Variants in HERC4 observed in about 807,000 individuals in gnomAD.
HERC4 encodes HECT and RLD domain containing E3 ubiquitin protein ligase 4, also known as probable E3 ubiquitin-protein ligase HERC4.
In HERC4, 28 loss-of-function variants were observed where a neutral mutation model predicts 124.3. The observed-to-expected ratio is 0.23, with a 90% CI of 0.17 to 0.31. The LOEUF is 0.31. Among genes scored for constraint, HERC4 ranks in the 10% least tolerant of loss-of-function variants. HERC4 has a pLI of 1.00. For missense variants in HERC4, 713 were observed against 1,229.3 expected, an observed-to-expected ratio of 0.58 and a Z score of 6.28; for synonymous variants, 407 against 421.5, an observed-to-expected ratio of 0.97 and a Z score of 0.42.
At chr10:68,061,035 A>G (rs1029295381) in intron 3 of HERC4, among the ~76,000 whole-genome samples, 19 of 152,034 alleles carry the variant, frequency 1.2e-4, no homozygotes, top group African/African-American at 4.3e-4. Context: ...TTTTAGCCTC[A>G]CCTCTTTCTT....
chr10:68,002,401 A>G (rs1311442329), intron 9 of HERC4, among the ~76,000 whole-genome samples: 2 of 152,102 alleles, frequency 1.3e-5, no homozygotes, highest in Non-Finnish European at 1.5e-5. Flanking sequence ...GAAAAGAAGG[A>G]CATTTTGGTT....
chr10:68,029,034 C>G lies in HERC4; in HGVS notation c.778-3358G>C, dbSNP rs546144729. Among the ~76,000 whole-genome samples, 8 of 152,134 alleles carry G rather than the reference C, an allele frequency of 5.3e-5. No individual in the cohort carries two copies. In the South Asian group the frequency reaches 6.2e-4, roughly 12 times the overall value. On this transcript the variant is annotated intron_variant, in intron 7 of 24. Coordinates refer to ENST00000373700, the MANE Select transcript of HERC4 (RefSeq NM_015601.4). Reference sequence around the variant, plus strand: ...AAAAATAAAAAATAAAAAAATTAGCCAGGCACAGTGGCGCCCGTAGCTCCA... The same window carrying G: ...AAAAATAAAAAATAAAAAAATTAGCGAGGCACAGTGGCGCCCGTAGCTCCA...
At chr10:67,934,863 T>C (rs1283573532) in intron 22 of HERC4, among the ~76,000 whole-genome samples, 1 of 152,024 alleles carries the variant, frequency 6.6e-6, no homozygotes, top group African/African-American at 2.4e-5. Flanking sequence ...TTTCCACTTC[T>C]CGTGCTTTCA....
chr10:68,007,529 T>C (rs575350766), intron 9 of HERC4, among the ~76,000 whole-genome samples: 23 of 152,236 alleles, frequency 1.5e-4, no homozygotes, highest in Admixed American at 1.4e-3. Flanking sequence ...TTTTCAGCAA[T>C]GTCTAAGCGC....
rs545184587 is a variant in HERC4, at chr10:67,925,360, C to T, written c.2839-173G>A. 1.1e-4 allele frequency among the ~76,000 whole-genome samples: 17 copies of T among 152,186 alleles called. No homozygotes were observed. The South Asian group carries it at 1.9e-3, about 17-fold the overall frequency. The stretch of plus-strand genomic sequence containing the variant: ...AGTTCCAGGAGAAAAAGAAGAAATA[C>T]GTAAGAATCACCAGAAATCTTTCCT... On this transcript the variant is annotated intron_variant, in intron 23 of 24. Coordinates refer to ENST00000373700, the MANE Select transcript of HERC4 (RefSeq NM_015601.4).
intron 9 of HERC4, chr10:67,995,186 C>A: frequency 4.5e-6 from 2 of 444,570 alleles, no homozygotes; most frequent in East Asian, 7.1e-5. Flanking sequence ...AGTAAAACTA[C>A]TACATGGAGG....
chr10:67,977,615 A>G (rs1265267657), intron 15 of HERC4, among the ~76,000 whole-genome samples: 1 of 152,076 alleles, frequency 6.6e-6, no homozygotes, highest in African/African-American at 2.4e-5. Flanking sequence ...TGGTTCTTAG[A>G]TGGCATTTCT....
chr10:68,034,126 C>G lies in HERC4; in HGVS notation c.524G>C (p.Cys175Ser). Residue 175 changes from cysteine to serine, a missense_variant, in exon 6 of 25, where the codon TGT becomes TCT. Transcript: ENST00000373700. ...KYGQLGLGTDCKKQTSPQLLK... is the reference protein window; with the variant it reads ...KYGQLGLGTDSKKQTSPQLLK... ...CAGCTGCGGTGAAGTTTGCTTTTTA[C>G]AGTCAGTACCTAAACCCAATTGGCC... 1 of 1,614,146 alleles carries G rather than the reference C, an allele frequency of 6.2e-7. No homozygotes were observed. Among genetic ancestry groups the G allele is most frequent in the Non-Finnish European group, 8.5e-7 (1 of 1,180,024 alleles).
At chr10:67,991,253 A>AC in intron 11 of HERC4, 54 bp from the exon 12 acceptor site, 1 of 1,026,936 alleles carries the variant, frequency 9.7e-7, no homozygotes, top group Non-Finnish European at 1.4e-6. Context: ...TTAATTGTTT[A>AC]CCCTTTCTTA....
chr10:67,936,486 T>C (rs896517867), intron 21 of HERC4, among the ~76,000 whole-genome samples: 1 of 152,194 alleles, frequency 6.6e-6, no homozygotes, highest in Non-Finnish European at 1.5e-5. Context: ...AAACTAAGCA[T>C]TTGTTGTGCA....
At chr10:67,960,016 C>T (rs959632093) in intron 16 of HERC4, among the ~76,000 whole-genome samples, 1 of 152,150 alleles carries the variant, frequency 6.6e-6, no homozygotes, top group Non-Finnish European at 1.5e-5. Flanking sequence ...CAATATCATG[C>T]CTGATAGGAG....
intron 16 of HERC4, among the ~76,000 whole-genome samples, chr10:67,962,864 G>T (rs1188043651): frequency 2.0e-5 from 3 of 152,144 alleles, no homozygotes; most frequent in Non-Finnish European, 4.4e-5. Context: ...CAAATTTGTA[G>T]CCTGTGTCAA....
At chr10:68,056,923 G>A (rs1589438148) in intron 3 of HERC4, among the ~76,000 whole-genome samples, 1 of 152,170 alleles carries the variant, frequency 6.6e-6, no homozygotes, top group African/African-American at 2.4e-5. Context: ...GAAAGGAAAA[G>A]ATCCTAAAGT....
chr10:68,073,179 C>CCA lies in HERC4; in HGVS notation c.-72_-71insTG. 8.5e-7 allele frequency: 1 copy of CCA among 1,176,534 alleles called. No individual in the cohort carries two copies. Among genetic ancestry groups the CCA allele is most frequent in the Non-Finnish European group, 1.2e-6 (1 of 817,042 alleles). The allele number at this position is 1,176,534 out of a possible 1,614,324, so 72.9% of individuals were successfully genotyped here. A position where few individuals can be genotyped will look rare whatever the true frequency, so the allele number is the denominator to read the frequency against. On this transcript the variant is annotated 5_prime_UTR_variant, in exon 3 of 25. The change abolishes the stop of an existing upstream ORF in the 5' untranslated region. Transcript: ENST00000373700. ...CTGAAACCCCGGAAAGTTGGAGGTA[C>CCA]CCTATGTCTGAGGAAATAGAAAGAA...
chr10:67,998,659 T>C (rs2037048746), intron 9 of HERC4, among the ~76,000 whole-genome samples: 1 of 152,128 alleles, frequency 6.6e-6, no homozygotes, highest in Admixed American at 6.6e-5. Context: ...CTTATGCCAG[T>C]GGTTCTCTAA....
intron 9 of HERC4, among the ~76,000 whole-genome samples, chr10:68,000,650 G>A (rs748699656): frequency 7.9e-5 from 12 of 152,010 alleles, no homozygotes; most frequent in Non-Finnish European, 1.8e-4. Context: ...TGGAAATAAG[G>A]TCACTGCAGA....
intron 3 of HERC4, among the ~76,000 whole-genome samples, chr10:68,053,520 T>G (rs2040415625): frequency 6.6e-6 from 1 of 152,076 alleles, no homozygotes; most frequent in Admixed American, 6.6e-5. Flanking sequence ...CCCAGGCTAG[T>G]CTTGAACTCC....
chr10:68,059,451 T>TATATAATAATA (rs2040719862), intron 3 of HERC4, among the ~76,000 whole-genome samples: 2 of 128,328 alleles, frequency 1.6e-5, no homozygotes, highest in Non-Finnish European at 1.6e-5. Flanking sequence ...AATAATATTA[T>TATATAATAATA]ATATTATAAT....
chr10:67,932,678 T>C lies in HERC4; in HGVS notation c.2757A>G (p.Lys919=). ...HAGFHKVCGG[K]VLLLFQPNEL... ...CATTAGGCTGAAAGAGCAGAAGGAC[T>C]TTTCCTCCACAGACCTTATGAAAGC... is the stretch of plus-strand genomic sequence containing the variant. Residue 919 remains lysine (K), a synonymous_variant, in exon 23 of 25, where the codon AAA becomes AAG. Transcript: ENST00000373700. 1 of 1,607,656 alleles carries C rather than the reference T, an allele frequency of 6.2e-7. No homozygotes were observed. The highest frequency in any genetic ancestry group is 8.5e-7 in the Non-Finnish European group (1 of 1,178,530).
Sources: gnomAD v4.1 joint callset for allele counts (sites outside exome capture counted in the v4.1 genomes callset) on GRCh38, gnomAD v4.1.1 for gene constraint, MANE v1.5 for transcripts, NCBI Gene and HGNC (gene_info 2026-07-23, HGNC 2026-07-21) for gene names.